Variants in NFIC observed in about 807,000 individuals in gnomAD.
NFIC encodes the protein nuclear factor 1 C-type.
NFIC carries 12 observed loss-of-function variants against 54.4 expected under a neutral mutation model. The ratio of observed to expected loss-of-function variants is 0.22; its 90% CI spans 0.14 to 0.36. The LOEUF (loss-of-function observed/expected upper bound fraction) is 0.36, where lower values mean the gene tolerates loss of function less well. Among genes scored for constraint, NFIC ranks in the 10% least tolerant of loss-of-function variants. The probability of loss-of-function intolerance (pLI) is 1.00; values close to 1 mark genes in which losing one functional copy is unlikely to be tolerated. For synonymous variants in NFIC, 322 were observed against 319.2 expected (o/e 1.01, Z -0.09); for missense variants, 575 against 718.2 (o/e 0.80, Z 2.28).
upstream of NFIC, among the ~76,000 whole-genome samples, chr19:3,366,240 AG>A (rs2080879435): frequency 6.8e-6 from 1 of 146,688 alleles, no homozygotes; most frequent in Non-Finnish European, 1.5e-5. Context: ...TAAATACGGG[AG>A]GAGCGGGGGG....
intron 6 of NFIC, among the ~76,000 whole-genome samples, chr19:3,435,875 G>A (rs2082193995): frequency 6.6e-6 from 1 of 151,970 alleles, no homozygotes; most frequent in African/African-American, 2.4e-5. Flanking sequence ...TGCCCAGGCT[G>A]GAGTGCAATG....
chr19:3,359,980 C>G (rs930792598), intron 1 of NFIC, among the ~76,000 whole-genome samples: 2 of 150,226 alleles, frequency 1.3e-5, no homozygotes, highest in Non-Finnish European at 3.0e-5. Context: ...AGAAGGCCCC[C>G]GCAACCCCAG....
chr19:3,385,638 T>A (rs1473022296), intron 2 of NFIC, among the ~76,000 whole-genome samples: 2 of 144,196 alleles, frequency 1.4e-5, no homozygotes, highest in East Asian at 4.8e-4. Flanking sequence ...AATGACGCAA[T>A]CTTGGCTCAC....
intron 6 of NFIC, among the ~76,000 whole-genome samples, chr19:3,442,103 C>A (rs1268673313): frequency 1.3e-5 from 2 of 152,230 alleles, no homozygotes; most frequent in South Asian, 2.1e-4. Context: ...CCACCCCACA[C>A]CTCCAGGCCC....
In NFIC at chr19:3,458,515, G is replaced by A. The variant is rs1242840671; in HGVS notation, c.1509+1880G>A. 6.6e-6 allele frequency among the ~76,000 whole-genome samples: 1 copy of A among 152,152 alleles called. No individual in the cohort carries two copies. Among genetic ancestry groups the A allele is most frequent in the African/African-American group, 2.4e-5 (1 of 41,420 alleles). On this transcript the variant is annotated intron_variant, in intron 10 of 10. Coordinates refer to ENST00000443272, the MANE Select transcript of NFIC (RefSeq NM_001245002.2). The surrounding 1 kb of genome is among the most constrained non-coding windows in gnomAD (Gnocchi z 4.1). ...CCAGCCCCACCCCACCCAAGCCTGG[G>A]AGGGAAGGGAAACTGAGGCAGGCAA... is the stretch of plus-strand genomic sequence containing the variant.
At chr19:3,432,545 G>C (rs1289280012) in intron 3 of NFIC, among the ~76,000 whole-genome samples, 3 of 152,134 alleles carry the variant, frequency 2.0e-5, no homozygotes, top group Admixed American at 2.0e-4. Context: ...CCGATGATGG[G>C]ATTGATGGTT....
At chr19:3,388,873 C>T (rs190311458) in intron 2 of NFIC, among the ~76,000 whole-genome samples, 2 of 151,078 alleles carry the variant, frequency 1.3e-5, no homozygotes, top group Admixed American at 1.3e-4. Flanking sequence ...GGTGTGGTGG[C>T]TCACACATGT....
Position 3,465,636 on chromosome 19 carries a change from T to C in NFIC, c.*2867T>C, listed in dbSNP as rs2082708628. ...CCAGAGGGGTCATTTCTGAATCCCTTGCCCAGAGGACAGACCTCCGGGGCC... is the reference window on the plus strand; with the variant it reads ...CCAGAGGGGTCATTTCTGAATCCCTCGCCCAGAGGACAGACCTCCGGGGCC... On this transcript the variant is annotated 3_prime_UTR_variant, in exon 11 of 11. Coordinates refer to ENST00000443272, the MANE Select transcript of NFIC (RefSeq NM_001245002.2). 1 of 152,116 alleles carries C rather than the reference T, an allele frequency of 6.6e-6. No homozygotes were observed. The highest frequency in any genetic ancestry group is 1.5e-5 in the Non-Finnish European group (1 of 68,044). The allele number at this position is 152,116 out of a possible 1,614,324, so 9.4% of individuals were successfully genotyped here.
chr19:3,362,697 C>T (rs569040429), upstream of NFIC, among the ~76,000 whole-genome samples: 1 of 152,066 alleles, frequency 6.6e-6, no homozygotes, highest in Non-Finnish European at 1.5e-5. Context: ...ACTTTAACAT[C>T]CCTTCTTACA....
chr19:3,367,421 C>T (rs1006643691), intron 1 of NFIC, among the ~76,000 whole-genome samples: 6 of 151,962 alleles, frequency 3.9e-5, no homozygotes, highest in African/African-American at 1.5e-4. Context: ...CCGGGTCTGG[C>T]CCGGGCACTG....
chr19:3,440,009 ACC>A (rs2082268155), intron 6 of NFIC, among the ~76,000 whole-genome samples: 1 of 151,776 alleles, frequency 6.6e-6, no homozygotes, highest in East Asian at 1.9e-4. Context: ...GAATTTTAAC[ACC>A]CGTGGCCCAG....
intron 2 of NFIC, among the ~76,000 whole-genome samples, chr19:3,414,472 G>A (rs1360241242): frequency 2.6e-5 from 4 of 151,998 alleles, no homozygotes; most frequent in Non-Finnish European, 5.9e-5. Context: ...GCACGTGCCT[G>A]TAGTCCCAGC....
intron 6 of NFIC, among the ~76,000 whole-genome samples, chr19:3,436,312 T>A (rs1599686267): frequency 1.6e-5 from 1 of 61,056 alleles, no homozygotes; most frequent in Admixed American, 2.2e-4. Context: ...GCCGTTAATT[T>A]TTTTTTTTTT....
intron 1 of NFIC, among the ~76,000 whole-genome samples, chr19:3,360,593 G>A (rs1390990850): frequency 6.6e-6 from 1 of 152,194 alleles, no homozygotes; most frequent in African/African-American, 2.4e-5. Flanking sequence ...TTGGGGCCGC[G>A]GGTCCCGGCG....
chr19:3,379,827 C>G (rs1001909716), intron 1 of NFIC, among the ~76,000 whole-genome samples: 1 of 151,606 alleles, frequency 6.6e-6, no homozygotes, highest in East Asian at 1.9e-4. Context: ...GTAGTTGGGA[C>G]TGCAGGTATG....
chr19:3,400,223 C>T (rs537170930), intron 2 of NFIC, among the ~76,000 whole-genome samples: 1 of 152,312 alleles, frequency 6.6e-6, no homozygotes, highest in African/African-American at 2.4e-5. Context: ...CACCTGTAAT[C>T]CCAGCACTTT....
At position 3,452,769 on chromosome 19, in the gene NFIC, T is replaced by C; in HGVS notation, c.1269+103T>C. The C allele has an allele frequency of 5.0e-6, 7 of 1,394,426 alleles. No individual in the cohort carries two copies. Among genetic ancestry groups the C allele is most frequent in the Non-Finnish European group, 6.7e-6 (7 of 1,038,646 alleles). The allele number at this position is 1,394,426 out of a possible 1,614,324, so 86.4% of individuals were successfully genotyped here. On this transcript the variant is annotated intron_variant, in intron 8 of 10. Transcript: ENST00000443272. The surrounding 1 kb of genome is among the most constrained non-coding windows in gnomAD (Gnocchi z 5.3). ...GCACAACCTCTGCTTAAAAGGGTCT[T>C]GAGGACTTGGCTCTGAAGTCCCCTC...
chr19:3,440,556 G>A (rs755660146), intron 6 of NFIC, among the ~76,000 whole-genome samples: 19 of 151,616 alleles, frequency 1.3e-4, no homozygotes, highest in African/African-American at 3.2e-4. Context: ...TCAGCCTCCC[G>A]AATAGCTAGG....
intron 1 of NFIC, among the ~76,000 whole-genome samples, chr19:3,381,110 G>A (rs1227267634): frequency 2.0e-5 from 3 of 152,114 alleles, no homozygotes; most frequent in Non-Finnish European, 4.4e-5. Context: ...GTCCTCCACG[G>A]CTGGGCATGG....
Sources: gnomAD v4.1 joint callset for allele counts (sites outside exome capture counted in the v4.1 genomes callset) on GRCh38, gnomAD v4.1.1 for gene constraint, Gnocchi (gnomAD v3.1) non-coding constraint, MANE v1.5 for transcripts, NCBI Gene and HGNC (gene_info 2026-07-23, HGNC 2026-07-21) for gene names.